The following EML6 variants were observed in gnomAD, a reference collection of about 807,000 sequenced individuals.
EML6 encodes the protein EMAP like 6.
In EML6, 154 loss-of-function variants were observed where a neutral mutation model predicts 240.1. The observed-to-expected ratio is 0.64, with a 90% confidence interval of 0.56 to 0.73. The LOEUF is 0.73. EML6 is among the 30% of genes least tolerant of loss of function. The probability of loss-of-function intolerance (pLI) is 0.00; values close to 1 mark genes in which losing one functional copy is unlikely to be tolerated. For missense variants in EML6, 2,964 were observed against 2,474.6 expected (o/e 1.20, Z -4.20); for synonymous variants, 1,148 against 899.0 (o/e 1.28, Z -4.95).
chr2:54,962,735 C>T, intron 36 of EML6, 24 bp downstream of exon 36: 1 of 1,444,478 alleles, frequency 6.9e-7, no homozygotes, highest in Non-Finnish European at 9.1e-7. Context: ...TGCCCAAACT[C>T]AGATGCCCAC....
intron 24 of EML6, among the ~76,000 whole-genome samples, chr2:54,908,211 C>CTT (rs111418579): frequency 2.8e-5 from 4 of 141,328 alleles, no homozygotes; most frequent in Admixed American, 7.2e-5. Context: ...CCAGCTTAAA[C>CTT]TTTTTTTTTT....
intron 2 of EML6, among the ~76,000 whole-genome samples, chr2:54,745,451 A>C (rs984233537): frequency 1.3e-5 from 2 of 152,096 alleles, no homozygotes; most frequent in African/African-American, 4.8e-5. Flanking sequence ...CATATGGGTG[A>C]GGTGAAATGC....
intron 25 of EML6, among the ~76,000 whole-genome samples, chr2:54,912,814 G>A (rs1328669304): frequency 6.6e-6 from 1 of 152,158 alleles, no homozygotes; most frequent in Non-Finnish European, 1.5e-5. Context: ...GGTCACTGAT[G>A]GGCATCTTGG....
At chr2:54,734,101 G>T (rs1347883082) in intron 2 of EML6, among the ~76,000 whole-genome samples, 1 of 152,172 alleles carries the variant, frequency 6.6e-6, no homozygotes, top group African/African-American at 2.4e-5. Flanking sequence ...CACTTTGGGA[G>T]GCCAAGGTGG....
chr2:54,725,075 C>A lies in EML6; in HGVS notation c.14C>A (p.Thr5Lys). 2.0e-6 allele frequency: 3 copies of A among 1,526,388 alleles called. No homozygotes were observed. Among genetic ancestry groups the A allele is most frequent in the South Asian group, 1.2e-5 (1 of 82,700 alleles). The allele number at this position is 1,526,388 out of a possible 1,614,324, so 94.6% of individuals were successfully genotyped here. A position where few individuals can be genotyped will look rare whatever the true frequency, so the allele number is the denominator to read the frequency against. ...GGTCGGCTTATCATGGCGGATCGGA[C>A]GGCGCCCCGCTGCCAGCTCCGGCTG... MADR[T>K]APRCQLRLEW... Residue 5 changes from threonine (T) to lysine (K), a missense_variant, in exon 2 of 42, where the codon ACG (threonine) becomes AAG (lysine). Coordinates refer to ENST00000356458, the MANE Select transcript of EML6 (RefSeq NM_001039753.4). The surrounding 1 kb of genome is among the most constrained non-coding windows in gnomAD (Gnocchi z 4.3).
intron 9 of EML6, among the ~76,000 whole-genome samples, chr2:54,849,303 AT>A (rs1343704131): frequency 6.6e-6 from 1 of 152,228 alleles, no homozygotes; most frequent in Non-Finnish European, 1.5e-5. Flanking sequence ...ATTTGGAAAT[AT>A]CTGATAGATT....
In EML6 at chr2:54,732,384, A is replaced by G. The variant is rs530190106; in HGVS notation, c.197+7126A>G. Among the ~76,000 whole-genome samples, 30 of 152,230 alleles carry G rather than the reference A, an allele frequency of 2.0e-4. No homozygotes were observed. The South Asian group carries it at 6.2e-3, about 32-fold the overall frequency. The stretch of plus-strand genomic sequence containing the variant: ...ACCATCACCTAATCCAAGGTCATCA[A>G]GATTTACTCCTATGTTTTCTTCTAA... On this transcript the variant is annotated intron_variant, in intron 2 of 41. Coordinates refer to ENST00000356458, the MANE Select transcript of EML6 (RefSeq NM_001039753.4).
chr2:54,874,988 C>T (rs1017440830), intron 16 of EML6, among the ~76,000 whole-genome samples: 75 of 152,204 alleles, frequency 4.9e-4, no homozygotes, highest in African/African-American at 1.6e-3. Context: ...AGGAGTTCTC[C>T]TAGGTGTCAG....
intron 32 of EML6, among the ~76,000 whole-genome samples, chr2:54,954,983 C>T (rs897430037): frequency 1.3e-5 from 2 of 152,124 alleles, no homozygotes; most frequent in African/African-American, 2.4e-5. Flanking sequence ...GGGGGTGGTG[C>T]GTGGAGGTTG....
chr2:54,845,119 G>A (rs1000761905), intron 8 of EML6, among the ~76,000 whole-genome samples: 1 of 152,122 alleles, frequency 6.6e-6, no homozygotes, highest in African/African-American at 2.4e-5. Context: ...TATTTTGTGT[G>A]TTTATGAGTC....
At chr2:54,755,764 G>A (rs576632959) in intron 2 of EML6, among the ~76,000 whole-genome samples, 75 of 152,132 alleles carry the variant, frequency 4.9e-4, no homozygotes, top group Non-Finnish European at 9.6e-4. Context: ...AGGCTCAAGC[G>A]ATCCTCCCAC....
At chr2:54,790,804 C>T (rs1182101949) in intron 2 of EML6, among the ~76,000 whole-genome samples, 1 of 148,678 alleles carries the variant, frequency 6.7e-6, no homozygotes, top group Non-Finnish European at 1.5e-5. Flanking sequence ...TGGCTCACTG[C>T]AAGCTCCGCC....
chr2:54,768,185 T>G (rs929145656), intron 2 of EML6, among the ~76,000 whole-genome samples: 3 of 152,210 alleles, frequency 2.0e-5, no homozygotes, highest in Admixed American at 2.0e-4. Flanking sequence ...TTTTGATGAT[T>G]CATTGGCCTT....
rs11903384 is a variant in EML6 at position 54,874,240 on chromosome 2, C to A, written c.2344+2635C>A. On this transcript the variant is annotated intron_variant, in intron 16 of 41. Coordinates refer to ENST00000356458, the MANE Select transcript of EML6 (RefSeq NM_001039753.4). ...TCAGATAGCTAACATTTCTTCTGGGCTTATTAGTTTTATAGAAGAAAGAAC... is the reference window on the plus strand; with the variant it reads ...TCAGATAGCTAACATTTCTTCTGGGATTATTAGTTTTATAGAAGAAAGAAC... 4.6e-3 allele frequency among the ~76,000 whole-genome samples: 700 copies of A among 152,256 alleles called. 9 individuals carry two copies. Among genetic ancestry groups the A allele is most frequent in the African/African-American group, 0.016 (671 of 41,536 alleles).
intron 17 of EML6, among the ~76,000 whole-genome samples, chr2:54,886,398 C>T (rs1340433671): frequency 1.3e-5 from 2 of 151,998 alleles, no homozygotes; most frequent in Non-Finnish European, 2.9e-5. Context: ...AACTCCTGAC[C>T]TCCTCAGGTG....
chr2:54,933,202 G>A (rs1032002715), intron 28 of EML6, among the ~76,000 whole-genome samples: 3 of 152,100 alleles, frequency 2.0e-5, no homozygotes, highest in Non-Finnish European at 4.4e-5. Context: ...AGGTGCTATT[G>A]GCTCTGGTGG....
At chr2:54,915,626 T>G (rs1036785145) in intron 25 of EML6, among the ~76,000 whole-genome samples, 7 of 152,076 alleles carry the variant, frequency 4.6e-5, no homozygotes, top group Non-Finnish European at 1.0e-4. Flanking sequence ...CACACAAGAT[T>G]AAATGAGAAA....
Position 54,847,613 on chromosome 2 carries a change from C to T in EML6, c.1177C>T (p.Leu393Phe). Reference protein sequence around the residue: ...LGMKDGSFIVLRVRDMTEVVH... With the variant: ...LGMKDGSFIVFRVRDMTEVVH... ...CATGAAGGACGGCTCTTTCATTGTT[C>T]TCCGAGTCAGGCACGTACTGATGTT... Residue 393 changes from leucine to phenylalanine, a missense_variant, in exon 9 of 42, where the codon CTC becomes TTC. Leu to Phe is a conservative substitution (Grantham distance 22). Coordinates refer to ENST00000356458, the MANE Select transcript of EML6 (RefSeq NM_001039753.4). 2 of 1,552,298 alleles carry T rather than the reference C, an allele frequency of 1.3e-6. No homozygotes were observed. Among genetic ancestry groups the T allele is most frequent in the Non-Finnish European group, 1.7e-6 (2 of 1,147,134 alleles).
intron 25 of EML6, among the ~76,000 whole-genome samples, chr2:54,915,069 C>T (rs1673838357): frequency 6.6e-6 from 1 of 152,166 alleles, no homozygotes; most frequent in Non-Finnish European, 1.5e-5. Flanking sequence ...GAAGGGATCC[C>T]TTGAGGACTC....
Sources: gnomAD v4.1 joint callset for allele counts (sites outside exome capture counted in the v4.1 genomes callset) on GRCh38, gnomAD v4.1.1 for gene constraint, Gnocchi (gnomAD v3.1) non-coding constraint, MANE v1.5 for transcripts, NCBI Gene and HGNC (gene_info 2026-07-23, HGNC 2026-07-21) for gene names.